PRORP: variants seen among roughly 807,000 people sequenced by gnomAD.
PRORP encodes mitochondrial ribonuclease P catalytic subunit.
In PRORP, 51 loss-of-function variants were observed where a neutral mutation model predicts 59.4. The ratio of observed to expected loss-of-function variants is 0.86; its 90% CI spans 0.69 to 1.08. The LOEUF (loss-of-function observed/expected upper bound fraction) is 1.08. Among genes scored for constraint, PRORP ranks in the 50% least tolerant of loss-of-function variants. The pLI is 0.00. For missense variants in PRORP, 646 were observed against 690.3 expected, an observed-to-expected ratio of 0.94 and a Z score of 0.72; for synonymous variants, 231 against 245.6, an observed-to-expected ratio of 0.94 and a Z score of 0.55.
At position 35,141,694 on chromosome 14, in the gene PRORP, C is replaced by A. The variant is rs955135948; in HGVS notation, c.1167+14083C>A. Among the ~76,000 whole-genome samples, 8 of 145,282 alleles carry A rather than the reference C, an allele frequency of 5.5e-5. 1 individual carries two copies. The highest frequency in any genetic ancestry group is 2.0e-4 in the African/African-American group (8 of 40,966). Reference sequence around the variant, plus strand: ...ATCAAAAAGAGACTAACATAATGGACCCCCATCCTCCATGATTATTAACTC... The same window carrying A: ...ATCAAAAAGAGACTAACATAATGGAACCCCATCCTCCATGATTATTAACTC... On this transcript the variant is annotated intron_variant, in intron 4 of 7. Coordinates refer to ENST00000534898, the MANE Select transcript of PRORP (RefSeq NM_014672.4).
At chr14:35,231,813 G>A (rs2050089043) in intron 5 of PRORP, among the ~76,000 whole-genome samples, 1 of 152,196 alleles carries the variant, frequency 6.6e-6, no homozygotes, top group Non-Finnish European at 1.5e-5. Context: ...GGGTTGTAAA[G>A]TATAGGTTTA....
chr14:35,196,397 G>A (rs1009157003), intron 5 of PRORP, among the ~76,000 whole-genome samples: 1 of 152,192 alleles, frequency 6.6e-6, no homozygotes. Flanking sequence ...AGGAGGCTGA[G>A]GCGGGGGGAG....
chr14:35,227,678 A>T (rs920098419), intron 5 of PRORP, among the ~76,000 whole-genome samples: 1 of 152,116 alleles, frequency 6.6e-6, no homozygotes, highest in African/African-American at 2.4e-5. Flanking sequence ...TACTTCTCAG[A>T]GAGTCCCAGT....
rs1351053719 is a variant in PRORP, at chr14:35,273,582, T to C, written c.*16T>C. 3.7e-6 allele frequency: 6 copies of C among 1,608,690 alleles called. No individual in the cohort carries two copies. The highest frequency in any genetic ancestry group is 2.2e-5 in the South Asian group (2 of 89,960). ...AAAGACATAGAGATTCTTACCTCTATGCTAAGTTTGTGTTTGGGTACCCTC... is the reference window on the plus strand; with the variant it reads ...AAAGACATAGAGATTCTTACCTCTACGCTAAGTTTGTGTTTGGGTACCCTC... On this transcript the variant is annotated 3_prime_UTR_variant, in exon 8 of 8. Transcript: ENST00000534898.
intron 5 of PRORP, among the ~76,000 whole-genome samples, chr14:35,205,166 TA>T (rs1288658546): frequency 6.6e-6 from 1 of 152,074 alleles, no homozygotes. Context: ...CTCTATTTTT[TA>T]AAAAAATATG....
intron 5 of PRORP, among the ~76,000 whole-genome samples, chr14:35,257,281 A>G (rs556701134): frequency 2.0e-5 from 3 of 152,336 alleles, no homozygotes; most frequent in South Asian, 2.1e-4. Flanking sequence ...TTGTCGTGCA[A>G]CTGTTGCCAC....
intron 5 of PRORP, among the ~76,000 whole-genome samples, chr14:35,264,702 C>G (rs2050996264): frequency 6.6e-6 from 1 of 152,150 alleles, no homozygotes; most frequent in Non-Finnish European, 1.5e-5. Context: ...TTCAGCTGGC[C>G]AGGCACAGTG....
In PRORP at chr14:35,149,979, G is replaced by A. The variant is rs568586904; in HGVS notation, c.1167+22368G>A. Among the ~76,000 whole-genome samples the A allele has an allele frequency of 7.1e-4, 108 of 152,210 alleles. 1 individual carries two copies. Among genetic ancestry groups the A allele is most frequent in the Non-Finnish European group, 1.2e-3 (79 of 68,016 alleles). ...AGCAATCCTCATGCCTCAGCCTCCC[G>A]AGTAGCTGGGGATTACAGGCATGTG... On this transcript the variant is annotated intron_variant, in intron 4 of 7. Transcript: ENST00000534898.
chr14:35,274,113 G>A lies in PRORP; in HGVS notation c.*547G>A, dbSNP rs764465843. 1 of 152,094 alleles carries A rather than the reference G, an allele frequency of 6.6e-6. No homozygotes were observed. The highest frequency in any genetic ancestry group is 2.4e-5 in the African/African-American group (1 of 41,412). The allele number at this position is 152,094 out of a possible 1,614,324, so 9.4% of individuals were successfully genotyped here. A position where few individuals can be genotyped will look rare whatever the true frequency, so the allele number is the denominator to read the frequency against. Reference sequence around the variant, plus strand: ...TTAATTACTTATCATCCAATTATTTGGATTGGAGAAGAGGGGGCATTCACT... The same window carrying A: ...TTAATTACTTATCATCCAATTATTTAGATTGGAGAAGAGGGGGCATTCACT... On this transcript the variant is annotated 3_prime_UTR_variant, in exon 8 of 8. Transcript: ENST00000534898.
At chr14:35,243,938 C>T (rs542610380) in intron 5 of PRORP, among the ~76,000 whole-genome samples, 2 of 152,112 alleles carry the variant, frequency 1.3e-5, no homozygotes, top group African/African-American at 4.8e-5. Context: ...TGGTTTAGGT[C>T]ATTTTTTAAA....
chr14:35,172,758 A>C (rs1009222255), intron 4 of PRORP, among the ~76,000 whole-genome samples: 2 of 151,746 alleles, frequency 1.3e-5, no homozygotes, highest in Admixed American at 1.3e-4. Context: ...AGTAGAGACA[A>C]GCTGTCACCA....
rs554532604 is a variant in PRORP at position 35,145,732 on chromosome 14, AGAAG to A, written c.1167+18145_1167+18148del. On this transcript the variant is annotated intron_variant, in intron 4 of 7. Coordinates refer to ENST00000534898, the MANE Select transcript of PRORP (RefSeq NM_014672.4). The stretch of plus-strand genomic sequence containing the variant: ...AGACTCCATCTCAAAAAAGAAAGAA[AGAAG>A]GAAGGAAGGAAGGAAGGAAGGAAAC... 8.0e-3 allele frequency among the ~76,000 whole-genome samples: 1,023 copies of A among 127,852 alleles called. 118 individuals are homozygous for A. Among genetic ancestry groups the A allele is most frequent in the Non-Finnish European group, 0.012 (671 of 56,364 alleles). 83.9% of individuals were successfully genotyped at this position (127,852 alleles called of 152,430 possible).
rs1391928689 is a variant in PRORP, at chr14:35,276,540, C to G, written c.*2974C>G. ...GTAGGGTTGCTCAGCATAAGTCATA[C>G]TGCCACGGTGACCTTGAGGAGTGCA... On this transcript the variant is annotated 3_prime_UTR_variant, in exon 8 of 8. Coordinates refer to ENST00000534898, the MANE Select transcript of PRORP (RefSeq NM_014672.4). The G allele has an allele frequency of 6.6e-6, 1 of 151,930 alleles. No homozygotes were observed. Among genetic ancestry groups the G allele is most frequent in the African/African-American group, 2.4e-5 (1 of 41,350 alleles). 9.4% of individuals were successfully genotyped at this position (151,930 alleles called of 1,614,324 possible).
intron 5 of PRORP, among the ~76,000 whole-genome samples, chr14:35,195,174 A>T (rs950612483): frequency 1.3e-5 from 2 of 152,166 alleles, no homozygotes; most frequent in African/African-American, 4.8e-5. Context: ...ATTCAGCTTT[A>T]TGGAGTCTGT....
chr14:35,174,893 T>TC (rs1223291905), intron 4 of PRORP, among the ~76,000 whole-genome samples: 9 of 71,524 alleles, frequency 1.3e-4, no homozygotes, highest in Non-Finnish European at 2.0e-4. Context: ...CCCTCCCCCC[T>TC]CCCCCCACCC....
At chr14:35,214,372 A>G (rs920027926) in intron 5 of PRORP, among the ~76,000 whole-genome samples, 5 of 152,214 alleles carry the variant, frequency 3.3e-5, no homozygotes, top group African/African-American at 7.2e-5. Flanking sequence ...AGAAGCCCCA[A>G]ACAAATATTG....
At chr14:35,199,319 G>T (rs2049087622) in intron 5 of PRORP, among the ~76,000 whole-genome samples, 1 of 145,944 alleles carries the variant, frequency 6.9e-6, no homozygotes, top group Non-Finnish European at 1.5e-5. Flanking sequence ...TGGCGAGAGA[G>T]TGAGACTCCA....
intron 5 of PRORP, chr14:35,262,431 A>G (rs1158439341): frequency 2.5e-5 from 10 of 394,442 alleles, no homozygotes; most frequent in Non-Finnish European, 1.9e-5. Flanking sequence ...TACATAGAAT[A>G]ACTTTCTTTG....
intron 4 of PRORP, among the ~76,000 whole-genome samples, chr14:35,129,751 T>C (rs1367644540): frequency 6.6e-6 from 1 of 151,876 alleles, no homozygotes; most frequent in East Asian, 2.0e-4. Context: ...AGTGCTGGGA[T>C]TATAGGCGTA....
Sources: gnomAD v4.1 joint callset for allele counts (sites outside exome capture counted in the v4.1 genomes callset) on GRCh38, gnomAD v4.1.1 for gene constraint, MANE v1.5 for transcripts, NCBI Gene and HGNC (gene_info 2026-07-23, HGNC 2026-07-21) for gene names.